The following ERBB4 variants were observed in gnomAD, a reference collection of about 807,000 sequenced individuals.
The protein encoded by ERBB4 is erb-b2 receptor tyrosine kinase 4.
In ERBB4, 42 loss-of-function variants were observed where a neutral mutation model predicts 158.0. The ratio of observed to expected loss-of-function variants is 0.27; its 90% CI spans 0.21 to 0.34. The LOEUF (loss-of-function observed/expected upper bound fraction) is 0.34. Among genes scored for constraint, ERBB4 ranks in the 10% least tolerant of loss-of-function variants. The pLI, the probability that ERBB4 is intolerant of heterozygous loss-of-function variation, is 1.00. For missense variants in ERBB4, 1,333 were observed against 1,624.1 expected (o/e 0.82, Z 3.08); for synonymous variants, 583 against 558.7 (o/e 1.04, Z -0.61).
intron 1 of ERBB4, among the ~76,000 whole-genome samples, chr2:212,228,053 A>C (rs1321300088): frequency 6.6e-6 from 1 of 152,134 alleles, no homozygotes; most frequent in Non-Finnish European, 1.5e-5. Flanking sequence ...AGAAACAGAT[A>C]TCCCTGTTTC....
intron 1 of ERBB4, among the ~76,000 whole-genome samples, chr2:212,270,484 G>C (rs1223720573): frequency 1.3e-5 from 2 of 151,534 alleles, no homozygotes; most frequent in Non-Finnish European, 3.0e-5. Context: ...TTCTACGGCA[G>C]ATTCAACATT....
At chr2:211,608,005 C>T (rs923181412) in intron 19 of ERBB4, among the ~76,000 whole-genome samples, 3 of 150,828 alleles carry the variant, frequency 2.0e-5, no homozygotes, top group Non-Finnish European at 4.4e-5. Context: ...GGACTATAGG[C>T]ATAAGCCACC....
chr2:212,147,114 C>T (rs889558147), intron 1 of ERBB4, among the ~76,000 whole-genome samples: 1 of 143,448 alleles, frequency 7.0e-6, no homozygotes, highest in African/African-American at 2.6e-5. Context: ...CCTCAGCCTC[C>T]TGAGTAGTGG....
Position 211,387,096 on chromosome 2 carries a change from G to A in ERBB4, c.3238C>T (p.Pro1080Ser), listed in dbSNP as rs2062701426. 6.2e-7 allele frequency: 1 copy of A among 1,613,834 alleles called. No homozygotes were observed. Among genetic ancestry groups the A allele is most frequent in the Non-Finnish European group, 8.5e-7 (1 of 1,179,772 alleles). The change falls in exon 27 of 28, where the codon CCC becomes TCC. Residue 1080 changes from proline (P) to serine (S), a missense_variant. This residue lies in a region of ERBB4 where 252 missense variants were observed against 241.3 expected (regional missense o/e 1.04). Transcript: ENST00000342788. Reference sequence around the variant, plus strand: ...ATTGTGCTAGTTGGGGCTCTGTAGGGCACAGACACTCCTTGTTCAGCAGCA... The same window carrying A: ...ATTGTGCTAGTTGGGGCTCTGTAGGACACAGACACTCCTTGTTCAGCAGCA... ...GFAAEQGVSVPYRAPTSTIPE... is the reference protein window; with the variant it reads ...GFAAEQGVSVSYRAPTSTIPE...
intron 1 of ERBB4, among the ~76,000 whole-genome samples, chr2:212,307,699 A>G (rs536537810): frequency 6.6e-6 from 1 of 151,376 alleles, no homozygotes; most frequent in Non-Finnish European, 1.5e-5. Context: ...TTTTACTATC[A>G]CATACACCAT....
At chr2:212,029,154 G>A (rs1345476293) in intron 2 of ERBB4, among the ~76,000 whole-genome samples, 1 of 152,098 alleles carries the variant, frequency 6.6e-6, no homozygotes, top group Non-Finnish European at 1.5e-5. Flanking sequence ...GTAATTAAAA[G>A]TGGGTATAAA....
chr2:212,152,379 T>C (rs1043288036), intron 1 of ERBB4, among the ~76,000 whole-genome samples: 1 of 152,198 alleles, frequency 6.6e-6, no homozygotes, highest in Non-Finnish European at 1.5e-5. Context: ...CCCAGGACTC[T>C]AATGAATATT....
At chr2:212,291,436 C>T (rs190785542) in intron 1 of ERBB4, among the ~76,000 whole-genome samples, 1 of 152,000 alleles carries the variant, frequency 6.6e-6, no homozygotes, top group Admixed American at 6.6e-5. Flanking sequence ...GGAAAGTGAA[C>T]AATTTGCATT....
intron 3 of ERBB4, among the ~76,000 whole-genome samples, chr2:211,883,529 G>A (rs2078717892): frequency 6.6e-6 from 1 of 152,084 alleles, no homozygotes. Context: ...TGTAATCCCA[G>A]CACTTTGGGA....
intron 2 of ERBB4, among the ~76,000 whole-genome samples, chr2:212,043,795 A>G (rs940621170): frequency 8.5e-5 from 13 of 152,062 alleles, no homozygotes; most frequent in Admixed American, 7.2e-4. Flanking sequence ...TAATCTTCCT[A>G]AGTCTATTTG....
chr2:212,432,475 TG>T (rs1333268735), intron 1 of ERBB4, among the ~76,000 whole-genome samples: 1 of 152,110 alleles, frequency 6.6e-6, no homozygotes, highest in Non-Finnish European at 1.5e-5. Flanking sequence ...AAAACTTTAA[TG>T]GGTGCTCTCT....
At chr2:211,468,838 T>C (rs75605905) in intron 20 of ERBB4, among the ~76,000 whole-genome samples, 1 of 150,158 alleles carries the variant, frequency 6.7e-6, no homozygotes, top group Admixed American at 6.6e-5. Context: ...TGCAGAAGAA[T>C]AACAACAACA....
At chr2:211,550,731 T>TATATAC in intron 20 of ERBB4, among the ~76,000 whole-genome samples, 1 of 132,336 alleles carries the variant, frequency 7.6e-6, no homozygotes, top group Non-Finnish European at 1.6e-5. Context: ...TATATATATA[T>TATATAC]ACACACACAC....
intron 16 of ERBB4, among the ~76,000 whole-genome samples, chr2:211,647,898 C>T (rs2070833233): frequency 6.6e-6 from 1 of 151,636 alleles, no homozygotes; most frequent in Non-Finnish European, 1.5e-5. Context: ...ACCTGATTTC[C>T]TCCTACCTCC....
At chr2:212,406,308 AAAG>A (rs950920914) in intron 1 of ERBB4, among the ~76,000 whole-genome samples, 2 of 152,270 alleles carry the variant, frequency 1.3e-5, no homozygotes, top group East Asian at 1.9e-4. Context: ...ATCGAAATAC[AAAG>A]AAGAACTCCT....
At chr2:212,069,764 C>G (rs1037924352) in intron 2 of ERBB4, among the ~76,000 whole-genome samples, 1 of 151,900 alleles carries the variant, frequency 6.6e-6, no homozygotes, top group Admixed American at 6.6e-5. Flanking sequence ...TTTCTTTATA[C>G]AAGCAATGAA....
At chr2:212,245,234 C>T (rs951152314) in intron 1 of ERBB4, among the ~76,000 whole-genome samples, 3 of 152,160 alleles carry the variant, frequency 2.0e-5, no homozygotes, top group Non-Finnish European at 4.4e-5. Context: ...CTCCTCCTGA[C>T]TAGTATTAGG....
intron 16 of ERBB4, among the ~76,000 whole-genome samples, chr2:211,638,974 T>C (rs547628269): frequency 6.6e-6 from 1 of 152,246 alleles, no homozygotes; most frequent in African/African-American, 2.4e-5. Context: ...CCTCAGAATA[T>C]ATATAATCTA....
chr2:212,381,853 T>C (rs1402176907), intron 1 of ERBB4, among the ~76,000 whole-genome samples: 1 of 151,378 alleles, frequency 6.6e-6, no homozygotes, highest in African/African-American at 2.4e-5. Context: ...AGAACTAACC[T>C]ACATTAAATC....
Sources: allele counts gnomAD v4.1 joint callset (sites outside exome capture counted in the v4.1 genomes callset), GRCh38; gene constraint gnomAD v4.1.1; regional missense constraint gnomAD v4.1.1; transcripts MANE v1.5; gene names NCBI Gene and HGNC (gene_info 2026-07-23, HGNC 2026-07-21).